Variants in ROBO2 observed in about 807,000 individuals in gnomAD.
ROBO2 encodes roundabout homolog 2.
A neutral mutation model predicts 160.8 loss-of-function variants in ROBO2; 53 were observed. The observed-to-expected ratio is 0.33, with a 90% CI of 0.26 to 0.41. ROBO2 has a LOEUF of 0.41. Among genes scored for constraint, ROBO2 ranks in the 10% least tolerant of loss-of-function variants. The pLI is 1.00. For synonymous variants in ROBO2, 664 were observed against 611.7 expected (o/e 1.09, Z -1.26); for missense variants, 1,577 against 1,722.4 (o/e 0.92, Z 1.49).
At chr3:77,544,047 A>T (rs1321469894) in intron 6 of ROBO2, among the ~76,000 whole-genome samples, 1 of 151,562 alleles carries the variant, frequency 6.6e-6, no homozygotes, top group East Asian at 1.9e-4. Context: ...ACTCATTCTT[A>T]ACTTTTTCAT....
At chr3:76,096,100 TCTC>T (rs1465856577) in intron 2 of ROBO2, among the ~76,000 whole-genome samples, 1 of 152,120 alleles carries the variant, frequency 6.6e-6, no homozygotes, top group Non-Finnish European at 1.5e-5. Context: ...TAAGCAATAA[TCTC>T]CTCATGTGTG....
chr3:77,261,554 T>G (rs1453383296), intron 2 of ROBO2, among the ~76,000 whole-genome samples: 1 of 152,144 alleles, frequency 6.6e-6, no homozygotes, highest in African/African-American at 2.4e-5. Flanking sequence ...TTATATACAG[T>G]ATATATTTTA....
intron 2 of ROBO2, among the ~76,000 whole-genome samples, chr3:76,134,571 A>G (rs1296757419): frequency 6.6e-6 from 1 of 152,060 alleles, no homozygotes; most frequent in African/African-American, 2.4e-5. Flanking sequence ...CTGCCTAATA[A>G]AAAAGCAGCC....
chr3:77,394,147 T>C (rs1452735716), intron 2 of ROBO2, among the ~76,000 whole-genome samples: 2 of 152,182 alleles, frequency 1.3e-5, no homozygotes, highest in Non-Finnish European at 2.9e-5. Flanking sequence ...ATCTGTACTT[T>C]AAGAAGGGCC....
At chr3:76,083,985 G>T (rs1490546261) in intron 2 of ROBO2, among the ~76,000 whole-genome samples, 4 of 152,022 alleles carry the variant, frequency 2.6e-5, no homozygotes, top group African/African-American at 9.7e-5. Flanking sequence ...CCTGCTCTTA[G>T]TCTATTGTTT....
At chr3:76,499,867 T>A (rs775424629) in intron 2 of ROBO2, among the ~76,000 whole-genome samples, 8 of 152,168 alleles carry the variant, frequency 5.3e-5, no homozygotes, top group Non-Finnish European at 7.3e-5. Flanking sequence ...CTCCTTTTTT[T>A]AATGATGGTT....
chr3:76,286,192 A>G (rs1488564815), intron 2 of ROBO2, among the ~76,000 whole-genome samples: 2 of 152,198 alleles, frequency 1.3e-5, no homozygotes, highest in South Asian at 2.1e-4. Context: ...AGAAACAACC[A>G]TTGGAAAAGG....
chr3:76,788,204 AT>A (rs1204980746), intron 2 of ROBO2, among the ~76,000 whole-genome samples: 1 of 151,468 alleles, frequency 6.6e-6, no homozygotes. Flanking sequence ...TAATATAATA[AT>A]AAAAAATAGA....
At chr3:76,136,204 G>A (rs2071423562) in intron 2 of ROBO2, among the ~76,000 whole-genome samples, 1 of 152,056 alleles carries the variant, frequency 6.6e-6, no homozygotes. Context: ...ACTCGCTGAT[G>A]GTTTACATAG....
Position 76,272,946 on chromosome 3 carries a change from A to T in ROBO2, c.109+335344A>T, listed in dbSNP as rs1465669119. On this transcript the variant is annotated intron_variant, in intron 2 of 26. Coordinates refer to the ROBO2 transcript ENST00000487694. ...TATATATTTATATATAAATATATAA[A>T]ATATATAATATATATTTATATATAA... Among the ~76,000 whole-genome samples, 22 of 28,898 alleles carry T rather than the reference A, an allele frequency of 7.6e-4. 1 individual carries two copies. In the South Asian group the frequency reaches 0.01, roughly 13 times the overall value. 19.0% of individuals were successfully genotyped at this position (28,898 alleles called of 152,430 possible).
chr3:76,338,193 A>G (rs917394289), intron 2 of ROBO2, among the ~76,000 whole-genome samples: 1 of 152,132 alleles, frequency 6.6e-6, no homozygotes, highest in Non-Finnish European at 1.5e-5. Flanking sequence ...CCAACTTTAC[A>G]TACCCACTGG....
chr3:77,075,033 C>A (rs993441863), intron 1 of ROBO2, among the ~76,000 whole-genome samples: 2 of 152,150 alleles, frequency 1.3e-5, no homozygotes, highest in African/African-American at 4.8e-5. Flanking sequence ...ACATCAAAAC[C>A]TGGCTTTTAG....
intron 2 of ROBO2, among the ~76,000 whole-genome samples, chr3:77,103,198 T>A (rs888510746): frequency 6.6e-6 from 1 of 152,172 alleles, no homozygotes; most frequent in Non-Finnish European, 1.5e-5. Flanking sequence ...GGCAAATAGA[T>A]GACAGCAGCT....
At chr3:77,226,785 G>A (rs1211023773) in intron 2 of ROBO2, among the ~76,000 whole-genome samples, 4 of 152,106 alleles carry the variant, frequency 2.6e-5, no homozygotes, top group Admixed American at 2.0e-4. Context: ...CTACAATAAA[G>A]TGTTAAATAT....
chr3:77,625,462 A>C (rs529776166), intron 23 of ROBO2, among the ~76,000 whole-genome samples: 82 of 151,502 alleles, frequency 5.4e-4, no homozygotes, highest in African/African-American at 1.9e-3. Flanking sequence ...ACTGCAACCT[A>C]TCCCTCTCGG....
At chr3:77,227,552 A>G (rs760548531) in intron 2 of ROBO2, among the ~76,000 whole-genome samples, 1 of 152,226 alleles carries the variant, frequency 6.6e-6, no homozygotes, top group East Asian at 1.9e-4. Flanking sequence ...CCCATTTCTA[A>G]GGAAAGAACA....
intron 2 of ROBO2, among the ~76,000 whole-genome samples, chr3:76,492,700 G>A (rs761953986): frequency 6.6e-6 from 1 of 151,984 alleles, no homozygotes; most frequent in Non-Finnish European, 1.5e-5. Flanking sequence ...CATTAACGAC[G>A]TACTATATAC....
intron 2 of ROBO2, among the ~76,000 whole-genome samples, chr3:76,145,528 C>T (rs547261550): frequency 5.9e-5 from 9 of 151,910 alleles, no homozygotes; most frequent in Admixed American, 3.9e-4. Context: ...TACAAAAATA[C>T]GTAAATTAAT....
chr3:76,084,979 T>C (rs931647678), intron 2 of ROBO2, among the ~76,000 whole-genome samples: 9 of 152,082 alleles, frequency 5.9e-5, no homozygotes, highest in African/African-American at 2.2e-4. Context: ...TATTTAGGCT[T>C]TTTAAAAAAA....
Sources: gnomAD v4.1 joint callset for allele counts (sites outside exome capture counted in the v4.1 genomes callset) on GRCh38, gnomAD v4.1.1 for gene constraint, MANE v1.5 for transcripts, NCBI Gene and HGNC (gene_info 2026-07-23, HGNC 2026-07-21) for gene names.